ZNG1E: variants seen among roughly 807,000 people sequenced by gnomAD.
The protein encoded by ZNG1E is Zn regulated GTPase metalloprotein activator 1E, also known as zinc-regulated GTPase metalloprotein activator 1E.
the ZNG1E span, among the ~76,000 whole-genome samples, chr9:65,722,677 T>G: frequency 1.1e-5 from 1 of 87,082 alleles, no homozygotes; most frequent in Non-Finnish European, 2.2e-5. Context: ...ATTACAGGCA[T>G]GTACCACCAT....
At chr9:65,660,853 AT>A in the ZNG1E span, among the ~76,000 whole-genome samples, 21,332 of 97,166 alleles carry the variant, frequency 0.22, 140 homozygotes, top group African/African-American at 0.32. Context: ...ATATATATAT[AT>A]AAAATAAAAA....
chr9:65,677,603 T>C, the ZNG1E span, among the ~76,000 whole-genome samples: 6 of 152,386 alleles, frequency 3.9e-5, no homozygotes, highest in East Asian at 1.2e-3. Flanking sequence ...TCTGGAGTCT[T>C]GCTGCCCTTT....
At chr9:65,716,451 C>A in the ZNG1E span, among the ~76,000 whole-genome samples, 2 of 151,414 alleles carry the variant, frequency 1.3e-5, no homozygotes, top group Non-Finnish European at 2.9e-5. Context: ...GGCCACCACA[C>A]CCAGCCTTAT....
the ZNG1E span, among the ~76,000 whole-genome samples, chr9:65,676,512 C>A: frequency 1.4e-5 from 2 of 147,402 alleles, no homozygotes; most frequent in Non-Finnish European, 3.0e-5. Context: ...GAACAACCTA[C>A]CTATTGCCAT....
chr9:65,658,195 T>C, the ZNG1E span, among the ~76,000 whole-genome samples: 1 of 149,866 alleles, frequency 6.7e-6, no homozygotes, highest in Non-Finnish European at 1.5e-5. Flanking sequence ...GATTCACAAC[T>C]TTAAAAAATA....
chr9:65,715,258 GC>G, the ZNG1E span, among the ~76,000 whole-genome samples: 1 of 145,520 alleles, frequency 6.9e-6, no homozygotes, highest in Non-Finnish European at 1.5e-5. Context: ...GCTTCGGCTC[GC>G]GGATGGAGCA....
chr9:65,691,801 A>T, the ZNG1E span, among the ~76,000 whole-genome samples: 1 of 150,558 alleles, frequency 6.6e-6, no homozygotes, highest in Non-Finnish European at 1.5e-5. Context: ...ATATATTAGA[A>T]ACTTTCTTAG....
At chr9:65,662,113 C>T in the ZNG1E span, among the ~76,000 whole-genome samples, 3 of 152,236 alleles carry the variant, frequency 2.0e-5, no homozygotes, top group African/African-American at 7.2e-5. Context: ...CATGTGCCTC[C>T]TGAAGTGATG....
At chr9:65,661,438 G>A in the ZNG1E span, among the ~76,000 whole-genome samples, 2 of 152,110 alleles carry the variant, frequency 1.3e-5, no homozygotes, top group East Asian at 3.9e-4. Flanking sequence ...TAAATTCAGA[G>A]AAAGAATTTA....
At chr9:65,660,572 T>G in the ZNG1E span, among the ~76,000 whole-genome samples, 1 of 152,134 alleles carries the variant, frequency 6.6e-6, no homozygotes, top group Admixed American at 6.6e-5. Context: ...TACCTGTAAC[T>G]TTAACATTAG....
the ZNG1E span, among the ~76,000 whole-genome samples, chr9:65,731,063 A>T: frequency 6.6e-6 from 1 of 152,292 alleles, no homozygotes; most frequent in Non-Finnish European, 1.5e-5. Context: ...ATGCTTATTC[A>T]GTTAAAGATA....
chr9:65,662,998 A>T, the ZNG1E span, among the ~76,000 whole-genome samples: 5 of 152,210 alleles, frequency 3.3e-5, no homozygotes, highest in Non-Finnish European at 7.4e-5. Flanking sequence ...CTCATTTAAG[A>T]TAGTGAAATG....
At chr9:65,688,281 T>C in the ZNG1E span, 1 of 130,144 alleles carries the variant, frequency 7.7e-6, no homozygotes, top group African/African-American at 2.7e-5. Context: ...TTAAGTCATA[T>C]AGGCTCTAAG....
At chr9:65,663,015 T>C in the ZNG1E span, among the ~76,000 whole-genome samples, 6 of 152,260 alleles carry the variant, frequency 3.9e-5, no homozygotes, top group Admixed American at 1.3e-4. Flanking sequence ...AATGAACATT[T>C]ACATTCTGGC....
At chr9:65,685,278 G>A in the ZNG1E span, among the ~76,000 whole-genome samples, 1 of 152,382 alleles carries the variant, frequency 6.6e-6, no homozygotes, top group Admixed American at 6.5e-5. Flanking sequence ...AGGTTGGGGT[G>A]GCTATGGCAA....
At chr9:65,663,141 G>A in the ZNG1E span, among the ~76,000 whole-genome samples, 127,862 of 152,172 alleles carry the variant, frequency 0.84, 51,819 homozygotes, top group South Asian at 0.93. Context: ...ATATTATATT[G>A]CTTTTCTCTC....
chr9:65,657,960 A>G, the ZNG1E span, among the ~76,000 whole-genome samples: 1 of 152,276 alleles, frequency 6.6e-6, no homozygotes. Flanking sequence ...TTAGCTGGGC[A>G]TGGCGGCTCA....
At chr9:65,713,628 T>C in the ZNG1E span, among the ~76,000 whole-genome samples, 1 of 149,940 alleles carries the variant, frequency 6.7e-6, no homozygotes, top group Non-Finnish European at 1.5e-5. Flanking sequence ...TTAGTTTGGC[T>C]GGATATGAAA....
At chr9:65,724,676 A>G in the ZNG1E span, among the ~76,000 whole-genome samples, 1 of 70,918 alleles carries the variant, frequency 1.4e-5, no homozygotes, top group South Asian at 6.5e-4. Flanking sequence ...ATCTTTAACA[A>G]TAAAGCAATT....
Sources: allele counts gnomAD v4.1 joint callset (sites outside exome capture counted in the v4.1 genomes callset), GRCh38; gene constraint gnomAD v4.1.1; transcripts MANE v1.5; gene names NCBI Gene and HGNC (gene_info 2026-07-23, HGNC 2026-07-21).